Variants in PRLR observed in about 807,000 individuals in gnomAD.
PRLR encodes hPRL receptor.
A neutral mutation model predicts 40.2 loss-of-function variants in PRLR; 13 were observed. The observed-to-expected ratio is 0.32, with a 90% confidence interval of 0.21 to 0.51. The LOEUF is 0.51. Among genes scored for constraint, PRLR ranks in the 20% least tolerant of loss-of-function variants. The pLI is 0.97. For synonymous variants in PRLR, 269 were observed against 278.7 expected, an observed-to-expected ratio of 0.97 and a Z score of 0.35; for missense variants, 656 against 747.3, an observed-to-expected ratio of 0.88 and a Z score of 1.42.
At chr5:35,173,364 G>A (rs1452470303) in intron 1 of PRLR, among the ~76,000 whole-genome samples, 1 of 152,196 alleles carries the variant, frequency 6.6e-6, no homozygotes, top group Admixed American at 6.5e-5. Context: ...TGGGTATAGG[G>A]TCCATTCATG....
At chr5:35,147,438 G>T (rs910427572) in intron 1 of PRLR, among the ~76,000 whole-genome samples, 4 of 152,136 alleles carry the variant, frequency 2.6e-5, no homozygotes, top group Non-Finnish European at 5.9e-5. Flanking sequence ...GAAATGAACT[G>T]CATATTCATT....
chr5:35,080,891 G>A (rs1040396371), intron 5 of PRLR, among the ~76,000 whole-genome samples: 4 of 151,906 alleles, frequency 2.6e-5, no homozygotes, highest in Non-Finnish European at 4.4e-5. Flanking sequence ...GTCTTCGTAG[G>A]GACATGGATG....
At chr5:35,228,232 C>CAAAAAAA (rs55934270) in intron 1 of PRLR, among the ~76,000 whole-genome samples, 4 of 87,428 alleles carry the variant, frequency 4.6e-5, no homozygotes, top group African/African-American at 1.6e-4. Flanking sequence ...AACAACCATG[C>CAAAAAAA]AAAAAAAAAA....
intron 1 of PRLR, among the ~76,000 whole-genome samples, chr5:35,187,293 A>G (rs1160819291): frequency 6.6e-6 from 1 of 151,928 alleles, no homozygotes; most frequent in African/African-American, 2.4e-5. Flanking sequence ...CCCAGCTACT[A>G]GGGAGGCTGA....
At position 35,144,731 on chromosome 5, in the gene PRLR, T is replaced by C. The variant is rs1056951266; in HGVS notation, c.-105-26609A>G. Among the ~76,000 whole-genome samples the C allele has an allele frequency of 3.9e-5, 6 of 151,956 alleles. No individual in the cohort carries two copies. The East Asian group carries it at 1.2e-3, about 29-fold the overall frequency. On this transcript the variant is annotated intron_variant, in intron 1 of 9. Transcript: ENST00000618457. ...GCCCACCTTGGCCTCCCAAAGTTCC[T>C]CCAATTACAGGCATGGGCCACCGCA...
intron 1 of PRLR, among the ~76,000 whole-genome samples, chr5:35,154,727 A>G (rs1045966936): frequency 3.3e-5 from 5 of 152,192 alleles, no homozygotes; most frequent in African/African-American, 9.7e-5. Flanking sequence ...TAGCAAATAC[A>G]TGGAATCAAG....
intron 1 of PRLR, among the ~76,000 whole-genome samples, chr5:35,142,889 C>T (rs1774064381): frequency 6.6e-6 from 1 of 152,204 alleles, no homozygotes. Context: ...TCTCATTTTC[C>T]TCATCTATAA....
intron 2 of PRLR, among the ~76,000 whole-genome samples, chr5:35,091,545 G>A (rs1383747534): frequency 1.3e-5 from 2 of 152,206 alleles, no homozygotes; most frequent in Admixed American, 6.5e-5. Context: ...AAACCTGAGA[G>A]CCACTGAGAG....
rs148120377 is a variant in PRLR at position 35,164,662 on chromosome 5, C to T, written c.-105-46540G>A. Among the ~76,000 whole-genome samples the T allele has an allele frequency of 2.0e-3, 299 of 151,948 alleles. 1 individual carries two copies. Among genetic ancestry groups the T allele is most frequent in the African/African-American group, 6.8e-3 (283 of 41,414 alleles). ...TCTAAGTACACTGAAAAGCCACAAG[C>T]GTTTAAATTAGTGATACAGATTTTA... is the stretch of plus-strand genomic sequence containing the variant. On this transcript the variant is annotated intron_variant, in intron 1 of 9. Coordinates refer to ENST00000618457, the MANE Select transcript of PRLR (RefSeq NM_000949.7).
At chr5:35,194,945 G>C (rs942614059) in intron 1 of PRLR, among the ~76,000 whole-genome samples, 1 of 152,172 alleles carries the variant, frequency 6.6e-6, no homozygotes, top group Non-Finnish European at 1.5e-5. Context: ...GGTTCATCAT[G>C]ATAAACATAC....
rs1768729121 is a variant in PRLR, at chr5:35,056,527, CT to C, written c.*8561del. ...CTGGGGAGATTTAGAATGTATAAAA[CT>C]TGATTAGCAAGTTGTAGGAAACCTG... On this transcript the variant is annotated 3_prime_UTR_variant, in exon 10 of 10. Transcript: ENST00000618457. 6.6e-6 allele frequency: 1 copy of C among 152,160 alleles called. No individual in the cohort carries two copies. Among genetic ancestry groups the C allele is most frequent in the East Asian group, 1.9e-4 (1 of 5,204 alleles). The allele number at this position is 152,160 out of a possible 1,614,324, so 9.4% of individuals were successfully genotyped here.
intron 2 of PRLR, among the ~76,000 whole-genome samples, 196 bp from the exon 3 acceptor site, chr5:35,089,859 A>G (rs558837764): frequency 1.9e-4 from 29 of 152,292 alleles, no homozygotes; most frequent in African/African-American, 7.0e-4. Flanking sequence ...CACGCTGGGA[A>G]AATTTCCACC....
At chr5:35,150,755 G>GA (rs771995479) in intron 1 of PRLR, among the ~76,000 whole-genome samples, 86 of 151,190 alleles carry the variant, frequency 5.7e-4, no homozygotes, top group East Asian at 1.2e-3. Context: ...GTAAGAATAG[G>GA]AAAAAAAAAT....
intron 1 of PRLR, among the ~76,000 whole-genome samples, chr5:35,211,645 CT>C (rs1776171509): frequency 6.6e-6 from 1 of 152,080 alleles, no homozygotes; most frequent in Non-Finnish European, 1.5e-5. Flanking sequence ...ACTTAAGATA[CT>C]TGCTTATTGA....
At chr5:35,100,127 G>A (rs957529899) in intron 2 of PRLR, among the ~76,000 whole-genome samples, 25 of 149,366 alleles carry the variant, frequency 1.7e-4, no homozygotes, top group Middle Eastern at 3.2e-3. Flanking sequence ...GCAGTGAGCC[G>A]AGATTTGCAG....
chr5:35,054,168 T>C (rs1768611153), downstream of PRLR, among the ~76,000 whole-genome samples: 1 of 152,208 alleles, frequency 6.6e-6, no homozygotes, highest in Admixed American at 6.5e-5. Context: ...CAGGTAGTGA[T>C]AAAGATGACG....
chr5:35,183,408 T>A (rs538671041), intron 1 of PRLR, among the ~76,000 whole-genome samples: 10 of 152,194 alleles, frequency 6.6e-5, no homozygotes, highest in Non-Finnish European at 1.5e-4. Context: ...CCCAGTGAGT[T>A]GCCAATGTCT....
intron 1 of PRLR, among the ~76,000 whole-genome samples, chr5:35,227,985 A>G (rs1776592938): frequency 6.6e-6 from 1 of 152,126 alleles, no homozygotes; most frequent in South Asian, 2.1e-4. Context: ...ACACTGCACA[A>G]TTCGAACAGC....
At chr5:35,101,110 C>A (rs989342060) in intron 2 of PRLR, among the ~76,000 whole-genome samples, 2 of 152,202 alleles carry the variant, frequency 1.3e-5, no homozygotes, top group African/African-American at 4.8e-5. Flanking sequence ...CTGCCATTGT[C>A]CCGTCTGGAA....
Sources: allele counts gnomAD v4.1 joint callset (sites outside exome capture counted in the v4.1 genomes callset), GRCh38; gene constraint gnomAD v4.1.1; transcripts MANE v1.5; gene names NCBI Gene and HGNC (gene_info 2026-07-23, HGNC 2026-07-21).